MED13L: variants seen among roughly 807,000 people sequenced by gnomAD.
MED13L encodes the protein mediator complex subunit 13L.
A neutral mutation model predicts 220.9 loss-of-function variants in MED13L; 7 were observed. The ratio of observed to expected loss-of-function variants is 0.03; its 90% CI spans 0.02 to 0.06. The LOEUF is 0.06. Ranked by LOEUF, MED13L falls within the 10% of genes least tolerant of loss-of-function variation. MED13L has a pLI of 1.00. For missense variants in MED13L, 1,965 were observed against 2,760.5 expected (o/e 0.71, Z 6.46); for synonymous variants, 1,011 against 1,015.2 (o/e 1.00, Z 0.08).
intron 4 of MED13L, among the ~76,000 whole-genome samples, chr12:116,063,935 C>G (rs1264909340): frequency 2.0e-5 from 3 of 152,092 alleles, no homozygotes; most frequent in Admixed American, 6.5e-5. Context: ...ATAATCCCAG[C>G]ACTTTGAGAT....
At chr12:116,053,877 G>GT (rs1868716710) in intron 4 of MED13L, among the ~76,000 whole-genome samples, 1 of 152,150 alleles carries the variant, frequency 6.6e-6, no homozygotes, top group African/African-American at 2.4e-5. Context: ...AGGTATGCTA[G>GT]TATCCCCATT....
intron 4 of MED13L, among the ~76,000 whole-genome samples, chr12:116,030,359 G>A (rs1880663981): frequency 6.6e-6 from 1 of 151,938 alleles, no homozygotes; most frequent in African/African-American, 2.4e-5. Context: ...ATGGGTTACA[G>A]AAGAAATCAC....
At chr12:115,963,544 C>A in intron 29 of MED13L, 25 bp from the exon 30 acceptor site, 5 of 1,511,368 alleles carry the variant, frequency 3.3e-6, no homozygotes, top group South Asian at 1.1e-5. Context: ...AAGAGAGTTA[C>A]CTCTCTGGTC....
chr12:116,036,394 A>G (rs1418661817), intron 4 of MED13L, among the ~76,000 whole-genome samples: 1 of 152,222 alleles, frequency 6.6e-6, no homozygotes, highest in African/African-American at 2.4e-5. Context: ...TTGGGAAAGG[A>G]CTTGTATAAA....
At chr12:116,072,225 A>G (rs1043119728) in intron 4 of MED13L, among the ~76,000 whole-genome samples, 1 of 152,218 alleles carries the variant, frequency 6.6e-6, no homozygotes, top group African/African-American at 2.4e-5. Flanking sequence ...GTCCAAAGAT[A>G]AAACAGCTTG....
In MED13L at chr12:116,111,410, T is replaced by C. The variant is rs371382427; in HGVS notation, c.395+18A>G. On this transcript the variant is annotated intron_variant, in intron 3 of 30. Coordinates refer to ENST00000281928, the MANE Select transcript of MED13L (RefSeq NM_015335.5). The stretch of plus-strand genomic sequence containing the variant: ...ACTTGGTTGTCTGCAAACCACTGTC[T>C]GCTGTTCCTTCTCTTACCTTTCTAA... 2.1e-5 allele frequency: 33 copies of C among 1,605,770 alleles called. No homozygotes were observed. Among genetic ancestry groups the C allele is most frequent in the Non-Finnish European group, 2.3e-5 (27 of 1,173,328 alleles).
chr12:116,192,020 G>A (rs1881321166), intron 2 of MED13L, among the ~76,000 whole-genome samples: 1 of 152,180 alleles, frequency 6.6e-6, no homozygotes, highest in Non-Finnish European at 1.5e-5. Flanking sequence ...TAAAATGAGT[G>A]TGCTAAAATA....
intron 28 of MED13L, among the ~76,000 whole-genome samples, chr12:115,968,430 C>T (rs1876350875): frequency 6.6e-6 from 1 of 152,206 alleles, no homozygotes; most frequent in Non-Finnish European, 1.5e-5. Context: ...CGGCTCTTGC[C>T]ATTCCTGCAG....
intron 4 of MED13L, among the ~76,000 whole-genome samples, chr12:116,036,549 ACTC>A (rs1413787873): frequency 6.6e-6 from 1 of 152,188 alleles, no homozygotes; most frequent in Non-Finnish European, 1.5e-5. Context: ...ATATTAATAC[ACTC>A]CTTTTCATGG....
intron 2 of MED13L, among the ~76,000 whole-genome samples, chr12:116,158,068 G>A (rs1266474764): frequency 6.6e-6 from 1 of 151,926 alleles, no homozygotes. Flanking sequence ...AGCAGTAGAT[G>A]AGGAGCTTAG....
intron 20 of MED13L, 142 bp from the exon 21 acceptor site, chr12:115,983,682 C>T: frequency 1.1e-6 from 1 of 904,994 alleles, no homozygotes; most frequent in Non-Finnish European, 1.8e-6. Context: ...ACTATCTCCA[C>T]AGTCATGCTT....
rs111633110 is a variant in MED13L, at chr12:116,107,597, T to C, written c.395+3831A>G. On this transcript the variant is annotated intron_variant, in intron 3 of 30. Coordinates refer to ENST00000281928, the MANE Select transcript of MED13L (RefSeq NM_015335.5). The stretch of plus-strand genomic sequence containing the variant: ...CTTTTGGAAAGAAGGTCAATTTATA[T>C]GGCTCCTGCTTAGCTGTGAGAGATT... 8.5e-3 allele frequency among the ~76,000 whole-genome samples: 1,291 copies of C among 152,344 alleles called. 14 individuals carry two copies. Among genetic ancestry groups the C allele is most frequent in the Middle Eastern group, 0.031 (9 of 294 alleles).
At chr12:116,089,864 A>T (rs1329230717) in intron 4 of MED13L, among the ~76,000 whole-genome samples, 1 of 152,236 alleles carries the variant, frequency 6.6e-6, no homozygotes, top group Non-Finnish European at 1.5e-5. Flanking sequence ...TCATTTTTAC[A>T]CTTTCTCTAA....
chr12:116,167,602 T>A (rs1242607297), intron 2 of MED13L, among the ~76,000 whole-genome samples: 1 of 152,180 alleles, frequency 6.6e-6, no homozygotes, highest in Non-Finnish European at 1.5e-5. Flanking sequence ...CAATTCATCA[T>A]ATTCTGTGTA....
At chr12:116,113,607 G>T (rs1235593772) in intron 2 of MED13L, among the ~76,000 whole-genome samples, 1 of 150,100 alleles carries the variant, frequency 6.7e-6, no homozygotes, top group East Asian at 1.9e-4. Flanking sequence ...GGCAAGCCAT[G>T]ATCATGCCAC....
intron 2 of MED13L, among the ~76,000 whole-genome samples, chr12:116,116,327 C>T (rs1294559663): frequency 6.6e-6 from 1 of 152,044 alleles, no homozygotes; most frequent in Non-Finnish European, 1.5e-5. Context: ...ATCAAACCTA[C>T]ATGATTATAT....
chr12:116,022,527 T>A lies in MED13L; in HGVS notation c.554A>T (p.Gln185Leu). ...SNVCTSVEIA[Q>L]HQPIYLINEE... is the part of the protein sequence containing the mutation. ...ATTGATCAAATAAATTGGCTGGTGC[T>A]GGGCAATCTCCACACTTGTGCATAC... Residue 185 changes from glutamine (Q) to leucine (L), a missense_variant, in exon 5 of 31, where the codon CAG becomes CTG. By Grantham distance (113) the Gln-to-Leu change is moderately radical. Coordinates refer to ENST00000281928, the MANE Select transcript of MED13L (RefSeq NM_015335.5). The A allele has an allele frequency of 6.2e-7, 1 of 1,613,588 alleles. No homozygotes were observed. Among genetic ancestry groups the A allele is most frequent in the Non-Finnish European group, 8.5e-7 (1 of 1,179,816 alleles).
chr12:116,108,392 G>GC lies in MED13L; in HGVS notation c.395+3035_395+3036insG, dbSNP rs954526962. Among the ~76,000 whole-genome samples the GC allele has an allele frequency of 1.5e-4, 16 of 109,804 alleles. 1 individual carries two copies. In the South Asian group the frequency reaches 4.7e-3, roughly 32 times the overall value. The allele number at this position is 109,804 out of a possible 152,430, so 72.0% of individuals were successfully genotyped here. ...ACAATAGCTGAGCTTTAAAAGAAAGGGGGGGGGGGCGCGTGGGGGGTGGGG... is the reference window on the plus strand; with the variant it reads ...ACAATAGCTGAGCTTTAAAAGAAAGGCGGGGGGGGGCGCGTGGGGGGTGGGG... On this transcript the variant is annotated intron_variant, in intron 3 of 30. Transcript: ENST00000281928.
At chr12:116,119,294 T>C (rs1349329334) in intron 2 of MED13L, among the ~76,000 whole-genome samples, 1 of 152,160 alleles carries the variant, frequency 6.6e-6, no homozygotes, top group Non-Finnish European at 1.5e-5. Context: ...TGGAGATATC[T>C]TTCTGACAGC....
Sources: gnomAD v4.1 joint callset for allele counts (sites outside exome capture counted in the v4.1 genomes callset) on GRCh38, gnomAD v4.1.1 for gene constraint, MANE v1.5 for transcripts, NCBI Gene and HGNC (gene_info 2026-07-23, HGNC 2026-07-21) for gene names.